Variants in OSGIN1 observed in about 807,000 individuals in gnomAD.
OSGIN1 encodes the protein oxidative stress induced growth inhibitor 1.
Under a neutral mutation model 20.1 loss-of-function variants are expected in OSGIN1, and 19 were observed. The ratio of observed to expected loss-of-function variants is 0.95; its 90% CI spans 0.66 to 1.39. The LOEUF (loss-of-function observed/expected upper bound fraction) is 1.39, where lower values mean the gene tolerates loss of function less well. Among genes scored for constraint, OSGIN1 ranks in the 40% most tolerant of loss-of-function variants. The pLI is 0.00. For missense variants in OSGIN1, 820 were observed against 653.0 expected (o/e 1.26, Z -2.79); for synonymous variants, 368 against 297.8 (o/e 1.24, Z -2.43).
At chr16:83,959,065 C>G (rs2665297) in intron 2 of OSGIN1, among the ~76,000 whole-genome samples, 195 bp from the exon 3 acceptor site, 8,605 of 152,316 alleles carry the variant, frequency 0.056, 309 homozygotes, top group South Asian at 0.13. Context: ...AGTAAGCTCT[C>G]AGCAGTTGTT....
Position 83,965,583 on chromosome 16 carries a change from A to G in OSGIN1, c.1010A>G (p.Tyr337Cys). ...CTGCCCAAGATGCTGTACCCCGAGT[A>G]CCACAAGGTGCACCAGATGATGCGG... ...NQLPKMLYPE[Y>C]HKVHQMMREQ... Residue 337 changes from tyrosine to cysteine, a missense_variant, in exon 6 of 6, where the codon TAC becomes TGC. Tyr to Cys is a radical substitution (Grantham distance 194). Transcript: ENST00000393306. 1.2e-6 allele frequency: 2 copies of G among 1,612,988 alleles called. No individual in the cohort carries two copies. Among genetic ancestry groups the G allele is most frequent in the Non-Finnish European group, 1.7e-6 (2 of 1,180,004 alleles).
chr16:83,956,191 A>G lies in OSGIN1; in HGVS notation c.-32-1449A>G, dbSNP rs1908918606. ...GACACATAGGTCCTCTCAGTGGCCC[A>G]TCTGTGTGGCAGTTTCTCATCCCTC... On this transcript the variant is annotated intron_variant, in intron 1 of 5. Transcript: ENST00000393306. 3.3e-5 allele frequency among the ~76,000 whole-genome samples: 5 copies of G among 152,310 alleles called. No homozygotes were observed. The South Asian group carries it at 1.0e-3, about 32-fold the overall frequency.
At chr16:83,957,856 A>ATTTTTTAT (rs1555544024) in intron 2 of OSGIN1, 118 bp downstream of exon 2, 1 of 396,858 alleles carries the variant, frequency 2.5e-6, no homozygotes, top group Non-Finnish European at 4.5e-6. Flanking sequence ...TTTGGGGTTT[A>ATTTTTTAT]TTTTTTATTT....
rs4782574 is a variant in OSGIN1 at position 83,966,212 on chromosome 16, T to C, written c.*205T>C. 124,761 of 573,524 alleles carry C rather than the reference T, an allele frequency of 0.22. 18,561 individuals carry two copies. The highest frequency in any genetic ancestry group is 0.6 in the African/African-American group (32,231 of 53,542). The allele number at this position is 573,524 out of a possible 1,614,324, so 35.5% of individuals were successfully genotyped here. On this transcript the variant is annotated 3_prime_UTR_variant, in exon 6 of 6. Transcript: ENST00000393306. ...GGTAACAGCGGCCGCAGGCCAGGGT[T>C]GGCCTAGACCTGGGATTTGTGGGGA...
In OSGIN1 at chr16:83,965,999, C is replaced by G. The variant is rs1411877260; in HGVS notation, c.1426C>G (p.Pro476Ala). ...SSLLRKETRKPP is the reference protein window; with the variant it reads ...SSLLRKETRKAP ...CCTGCTAAGGAAGGAGACCAGGAAG[C>G]CACCCTAACACTCGGCCAGACCCGC... Residue 476 changes from proline (P) to alanine (A), a missense_variant, in exon 6 of 6, where the codon CCA (proline) becomes GCA (alanine). Physicochemically the swap from Pro to Ala is conservative, Grantham distance 27. Coordinates refer to ENST00000393306, the MANE Select transcript of OSGIN1 (RefSeq NM_182981.3). The G allele has an allele frequency of 2.5e-6, 4 of 1,570,252 alleles. No individual in the cohort carries two copies. The highest frequency in any genetic ancestry group is 1.7e-6 in the Non-Finnish European group (2 of 1,159,496).
chr16:83,962,170 C>T (rs2084223081), intron 5 of OSGIN1, among the ~76,000 whole-genome samples: 2 of 152,028 alleles, frequency 1.3e-5, no homozygotes, highest in African/African-American at 4.8e-5. Context: ...TCATGGCCAC[C>T]CTAGAGAAAA....
At chr16:83,955,379 G>T (rs1908878468) in intron 1 of OSGIN1, among the ~76,000 whole-genome samples, 1 of 152,132 alleles carries the variant, frequency 6.6e-6, no homozygotes, top group African/African-American at 2.4e-5. Flanking sequence ...AGAAGTGGGG[G>T]ACCCTGGAAC....
chr16:83,965,498 A>G lies in OSGIN1; in HGVS notation c.925A>G (p.Ile309Val), dbSNP rs765361634. Residue 309 changes from isoleucine to valine, a missense_variant, in exon 6 of 6, where the codon ATC becomes GTC. Ile to Val is a conservative substitution (Grantham distance 29). Transcript: ENST00000393306. ...DAVLYARHYN[I>V]PVIHAFRRAV... ...GGTCCTCTACGCCCGCCACTACAACATCCCGGTGATCCATGCCTTCCGCCG... is the reference window on the plus strand; with the variant it reads ...GGTCCTCTACGCCCGCCACTACAACGTCCCGGTGATCCATGCCTTCCGCCG... 6.2e-7 allele frequency: 1 copy of G among 1,611,486 alleles called. No homozygotes were observed. The highest frequency in any genetic ancestry group is 1.3e-5 in the African/African-American group (1 of 74,994).
chr16:83,957,544 G>A, intron 1 of OSGIN1, 96 bp from the exon 2 acceptor site: 2 of 698,724 alleles, frequency 2.9e-6, no homozygotes, highest in Admixed American at 2.1e-5. Context: ...GACCCTGAGG[G>A]CCACAGGAGG....
At chr16:83,957,442 G>A (rs1328297003) in intron 1 of OSGIN1, among the ~76,000 whole-genome samples, 198 bp from the exon 2 acceptor site, 1 of 152,188 alleles carries the variant, frequency 6.6e-6, no homozygotes, top group African/African-American at 2.4e-5. Flanking sequence ...CATGACTGGG[G>A]AGGGGTGGGG....
intron 4 of OSGIN1, 62 bp downstream of exon 4, chr16:83,960,822 G>A (rs1909178796): frequency 1.3e-6 from 2 of 1,556,754 alleles, no homozygotes; most frequent in Non-Finnish European, 1.8e-6. Context: ...CCCCACTTGG[G>A]GCTGGGACTC....
intron 3 of OSGIN1, among the ~76,000 whole-genome samples, chr16:83,960,215 G>A (rs1046907822): frequency 6.6e-6 from 1 of 152,162 alleles, no homozygotes; most frequent in Non-Finnish European, 1.5e-5. Context: ...GTAAATGATG[G>A]CTGCAGGACT....
At chr16:83,954,006 C>G (rs1160229052) in intron 1 of OSGIN1, 1 of 152,656 alleles carries the variant, frequency 6.6e-6, no homozygotes, top group Non-Finnish European at 1.5e-5. Context: ...TTAGCGCCCC[C>G]AGGGCTTCGT....
At position 83,960,739 on chromosome 16, in the gene OSGIN1, C is replaced by T. The variant is rs1185151971; in HGVS notation, c.375C>T (p.Asn125=). 1.9e-6 allele frequency: 3 copies of T among 1,613,202 alleles called. No individual in the cohort carries two copies. Among genetic ancestry groups the T allele is most frequent in the Non-Finnish European group, 2.5e-6 (3 of 1,180,004 alleles). Residue 125 remains asparagine, a synonymous_variant, in exon 4 of 6, where the codon AAC becomes AAT. Coordinates refer to ENST00000393306, the MANE Select transcript of OSGIN1 (RefSeq NM_182981.3). ...TCCCCCACGTGGTTCTGGGCCGGAA[C>T]CTCCCCGGGGGAGCCTGGCACGTGA... ...HAIPHVVLGR[N]LPGGAWHSIE... is the part of the protein sequence containing the mutation.
chr16:83,953,628 C>T (rs1006461343), intron 1 of OSGIN1, among the ~76,000 whole-genome samples: 1 of 152,254 alleles, frequency 6.6e-6, no homozygotes, highest in African/African-American at 2.4e-5. Context: ...GGCCACAGTC[C>T]CAGCGTACCC....
intron 1 of OSGIN1, among the ~76,000 whole-genome samples, chr16:83,955,582 G>A (rs928087809): frequency 1.3e-5 from 2 of 152,246 alleles, no homozygotes; most frequent in African/African-American, 2.4e-5. Context: ...ACAACAACCC[G>A]ATTAAATAAG....
Position 83,960,558 on chromosome 16 carries a change from C to T in OSGIN1, c.205-11C>T, listed in dbSNP as rs200591123. On this transcript the variant is annotated splice_polypyrimidine_tract_variant and intron_variant, in intron 3 of 5. Transcript: ENST00000393306. ...CCTCCAGCAGCCCCTCTGACCTATG[C>T]CCCCCTCCAGGACCTGGACTACCTG... 21 of 1,609,980 alleles carry T rather than the reference C, an allele frequency of 1.3e-5. No individual in the cohort carries two copies. Among genetic ancestry groups the T allele is most frequent in the Non-Finnish European group, 1.4e-5 (17 of 1,177,836 alleles).
intron 3 of OSGIN1, among the ~76,000 whole-genome samples, chr16:83,960,020 T>A (rs1163876882): frequency 1.3e-5 from 2 of 152,170 alleles, no homozygotes; most frequent in Non-Finnish European, 2.9e-5. Context: ...TCAGGCAGTG[T>A]ACATCCTCCT....
At chr16:83,958,188 T>G (rs568214708) in intron 2 of OSGIN1, among the ~76,000 whole-genome samples, 1 of 152,348 alleles carries the variant, frequency 6.6e-6, no homozygotes, top group Admixed American at 6.5e-5. Context: ...AGGCCTGGCC[T>G]CTTTACAGTG....
Sources: gnomAD v4.1 joint callset for allele counts (sites outside exome capture counted in the v4.1 genomes callset) on GRCh38, gnomAD v4.1.1 for gene constraint, MANE v1.5 for transcripts, NCBI Gene and HGNC (gene_info 2026-07-23, HGNC 2026-07-21) for gene names.